The following SNCAIP variants were observed in gnomAD, a reference collection of about 807,000 sequenced individuals.
SNCAIP encodes the protein synuclein alpha interacting protein.
A neutral mutation model predicts 86.7 loss-of-function variants in SNCAIP; 43 were observed. That is an observed-to-expected ratio of 0.50 (90% CI 0.39 to 0.64). The LOEUF (loss-of-function observed/expected upper bound fraction) is 0.64. Ranked by LOEUF, SNCAIP falls within the 30% of genes least tolerant of loss-of-function variation. The pLI is 0.00. For missense variants in SNCAIP, 981 were observed against 1,103.1 expected (o/e 0.89, Z 1.57); for synonymous variants, 417 against 427.2 (o/e 0.98, Z 0.29).
intron 1 of SNCAIP, chr5:122,389,392 A>C (rs1768870409): frequency 6.6e-6 from 1 of 152,164 alleles, no homozygotes; most frequent in African/African-American, 2.4e-5. Context: ...CGGAGTACAG[A>C]TTTCATGAAA....
chr5:122,412,565 T>C (rs1476382891), intron 3 of SNCAIP, among the ~76,000 whole-genome samples: 5 of 152,156 alleles, frequency 3.3e-5, no homozygotes. Flanking sequence ...CAATTTGACC[T>C]TTCAATAGTC....
intron 7 of SNCAIP, chr5:122,444,262 A>G: frequency 2.0e-6 from 1 of 505,068 alleles, no homozygotes; most frequent in Non-Finnish European, 3.9e-6. Flanking sequence ...GAGCCCAACC[A>G]TGACAAGAGA....
chr5:122,387,434 G>A (rs1402419551), intron 1 of SNCAIP, among the ~76,000 whole-genome samples: 1 of 152,196 alleles, frequency 6.6e-6, no homozygotes, highest in Non-Finnish European at 1.5e-5. Flanking sequence ...TTACAGGTGT[G>A]AGTCACCATG....
chr5:122,410,496 G>A (rs534975953), intron 3 of SNCAIP, among the ~76,000 whole-genome samples: 2 of 152,186 alleles, frequency 1.3e-5, no homozygotes, highest in Non-Finnish European at 2.9e-5. Flanking sequence ...GGAGGTGAGA[G>A]AAAAGTTAAA....
intron 3 of SNCAIP, among the ~76,000 whole-genome samples, chr5:122,411,362 A>G (rs1774079838): frequency 6.6e-6 from 1 of 152,200 alleles, no homozygotes; most frequent in Admixed American, 6.5e-5. Flanking sequence ...CCATCTTCCC[A>G]TACTTTTTAA....
intron 9 of SNCAIP, among the ~76,000 whole-genome samples, chr5:122,450,271 TGA>T (rs1198581808): frequency 1.3e-5 from 2 of 152,212 alleles, no homozygotes; most frequent in African/African-American, 4.8e-5. Flanking sequence ...TGGAATTAAC[TGA>T]GAAAATTTAT....
chr5:122,387,401 C>T (rs1768395683), intron 1 of SNCAIP, among the ~76,000 whole-genome samples: 2 of 152,308 alleles, frequency 1.3e-5, no homozygotes. Context: ...ATCCGTCCAC[C>T]TTGGCCTCCC....
chr5:122,427,505 T>G (rs1301187001), intron 5 of SNCAIP, among the ~76,000 whole-genome samples: 1 of 152,160 alleles, frequency 6.6e-6, no homozygotes, highest in Non-Finnish European at 1.5e-5. Context: ...ATTCCTTTAT[T>G]CTAGAATTTA....
chr5:122,371,165 A>G (rs555984062), intron 1 of SNCAIP, among the ~76,000 whole-genome samples: 1 of 152,088 alleles, frequency 6.6e-6, no homozygotes, highest in East Asian at 1.9e-4. Flanking sequence ...AAAATTAAAA[A>G]TTGGCTGAAC....
chr5:122,356,534 T>A (rs1176180598), intron 1 of SNCAIP, among the ~76,000 whole-genome samples: 1 of 152,240 alleles, frequency 6.6e-6, no homozygotes, highest in Non-Finnish European at 1.5e-5. Flanking sequence ...TTCACACATA[T>A]ACACACATGT....
At chr5:122,328,668 C>T (rs1023765521) in intron 1 of SNCAIP, among the ~76,000 whole-genome samples, 5 of 152,132 alleles carry the variant, frequency 3.3e-5, no homozygotes, top group Non-Finnish European at 5.9e-5. Context: ...GTTCTTGCTC[C>T]GTTAACACAT....
rs778273708 is a variant in SNCAIP, at chr5:122,423,153, C to T, written c.416C>T (p.Ser139Leu). Residue 139 changes from serine (S) to leucine (L), a missense_variant, in exon 4 of 11, where the codon TCG becomes TTG. Physicochemically the swap from Ser to Leu is moderately radical, Grantham distance 145 (BLOSUM62 -2). Coordinates refer to ENST00000261368, the MANE Select transcript of SNCAIP (RefSeq NM_005460.4). ...GGTAAGAGCTCTGAGCCCAGCACAT[C>T]GCTGGGTGAACTGGAGCACTACGAC... Reference protein sequence around the residue: ...PPGKSSEPSTSLGELEHYDLD... With the variant: ...PPGKSSEPSTLLGELEHYDLD... The T allele has an allele frequency of 9.9e-6, 16 of 1,614,048 alleles. No homozygotes were observed. In the Middle Eastern group the frequency reaches 6.6e-4, roughly 67 times the overall value.
intron 1 of SNCAIP, among the ~76,000 whole-genome samples, chr5:122,351,668 A>C (rs528590420): frequency 2.3e-4 from 35 of 151,920 alleles, no homozygotes; most frequent in African/African-American, 8.0e-4. Context: ...TAGGACCCAG[A>C]CAAGCCTGAA....
chr5:122,454,642 G>A (rs2153014362), intron 10 of SNCAIP: 1 of 152,796 alleles, frequency 6.5e-6, no homozygotes, highest in South Asian at 2.1e-4. Context: ...ATCTTGGGAG[G>A]AATGTGTTTT....
intron 1 of SNCAIP, among the ~76,000 whole-genome samples, chr5:122,342,184 CTCT>C (rs1757729431): frequency 6.6e-6 from 1 of 152,038 alleles, no homozygotes; most frequent in African/African-American, 2.4e-5. Flanking sequence ...TCCCTTCTTC[CTCT>C]TCTACTCTTC....
At chr5:122,432,476 A>C (rs79850712) in intron 6 of SNCAIP, among the ~76,000 whole-genome samples, 2 of 152,146 alleles carry the variant, frequency 1.3e-5, no homozygotes, top group South Asian at 4.1e-4. Flanking sequence ...GTTATCACTC[A>C]GAGTAGCAGT....
chr5:122,312,437 C>G (rs1461631600), intron 1 of SNCAIP, 153 bp downstream of exon 1: 1 of 152,294 alleles, frequency 6.6e-6, no homozygotes, highest in Non-Finnish European at 1.5e-5. Flanking sequence ...CTCGGCTGCT[C>G]CGGGCAGCAG....
At chr5:122,438,411 G>C (rs1440542583) in intron 6 of SNCAIP, among the ~76,000 whole-genome samples, 1 of 152,166 alleles carries the variant, frequency 6.6e-6, no homozygotes, top group Non-Finnish European at 1.5e-5. Context: ...GTCCTGTCCA[G>C]GGATGGTTCC....
intron 5 of SNCAIP, among the ~76,000 whole-genome samples, chr5:122,428,914 A>G (rs1417897899): frequency 6.6e-6 from 1 of 152,082 alleles, no homozygotes; most frequent in African/African-American, 2.4e-5. Context: ...GCTACAAAGG[A>G]TATGAACTCA....
Sources: allele counts gnomAD v4.1 joint callset (sites outside exome capture counted in the v4.1 genomes callset), GRCh38; gene constraint gnomAD v4.1.1; transcripts MANE v1.5; gene names NCBI Gene and HGNC (gene_info 2026-07-23, HGNC 2026-07-21).